The following NAALADL2 variants were observed in gnomAD, a reference collection of about 807,000 sequenced individuals.
NAALADL2 encodes inactive N-acetylated-alpha-linked acidic dipeptidase-like protein 2.
In NAALADL2, 76 loss-of-function variants were observed where a neutral mutation model predicts 87.2. The ratio of observed to expected loss-of-function variants is 0.87; its 90% confidence interval spans 0.72 to 1.05. The LOEUF (loss-of-function observed/expected upper bound fraction) is 1.05, where lower values mean the gene tolerates loss of function less well. Among genes scored for constraint, NAALADL2 ranks in the 50% least tolerant of loss-of-function variants. NAALADL2 has a pLI of 0.00. For synonymous variants in NAALADL2, 354 were observed against 331.0 expected (o/e 1.07, Z -0.75); for missense variants, 1,089 against 945.8 (o/e 1.15, Z -1.99).
intron 11 of NAALADL2, among the ~76,000 whole-genome samples, chr3:175,706,183 G>A: frequency 6.6e-6 from 1 of 152,018 alleles, no homozygotes; most frequent in Non-Finnish European, 1.5e-5. Context: ...GGCTTTATTT[G>A]CCCATTCGAA....
At chr3:175,663,005 G>T (rs1452947037) in intron 11 of NAALADL2, among the ~76,000 whole-genome samples, 1 of 151,726 alleles carries the variant, frequency 6.6e-6, no homozygotes, top group Non-Finnish European at 1.5e-5. Context: ...TGGTATCAGG[G>T]TTAATGCTGA....
chr3:175,390,387 C>G (rs1768933233), intron 5 of NAALADL2, among the ~76,000 whole-genome samples: 1 of 152,068 alleles, frequency 6.6e-6, no homozygotes, highest in African/African-American at 2.4e-5. Flanking sequence ...AACCAGCAAG[C>G]CAAACGTTTA....
chr3:175,358,095 A>C (rs950526599), intron 5 of NAALADL2, among the ~76,000 whole-genome samples: 2 of 152,146 alleles, frequency 1.3e-5, no homozygotes, highest in African/African-American at 2.4e-5. Context: ...AAGTGACATA[A>C]ATTTTTAAAT....
chr3:175,069,430 A>G (rs1393848786), intron 1 of NAALADL2, among the ~76,000 whole-genome samples: 1 of 149,856 alleles, frequency 6.7e-6, no homozygotes, highest in Non-Finnish European at 1.5e-5. Context: ...ATCACTGGCC[A>G]TCAGAGAAAT....
intron 2 of NAALADL2, among the ~76,000 whole-genome samples, chr3:175,100,008 T>G (rs1300301662): frequency 1.3e-5 from 2 of 150,776 alleles, no homozygotes; most frequent in Admixed American, 6.6e-5. Context: ...TACAAAATAT[T>G]ATGAACATAG....
chr3:174,694,024 T>A (rs1728811879), intron 2 of NAALADL2, among the ~76,000 whole-genome samples: 1 of 152,176 alleles, frequency 6.6e-6, no homozygotes, highest in Non-Finnish European at 1.5e-5. Context: ...TCTACTAGTG[T>A]CTTTCTTTCC....
intron 11 of NAALADL2, among the ~76,000 whole-genome samples, chr3:175,677,478 GGTGTGTGTGTGT>G (rs144329998): frequency 6.6e-4 from 92 of 140,190 alleles, no homozygotes; most frequent in Middle Eastern, 7.2e-3. Context: ...AGTATAATGG[GGTGTGTGTGTGT>G]GTGTGTGTGT....
At chr3:174,704,199 C>T (rs1235886162) in intron 2 of NAALADL2, among the ~76,000 whole-genome samples, 2 of 152,004 alleles carry the variant, frequency 1.3e-5, no homozygotes, top group African/African-American at 4.8e-5. Context: ...TAAAGTGTTC[C>T]AGTGCTATCA....
chr3:174,648,576 A>G (rs1724043656), intron 2 of NAALADL2, among the ~76,000 whole-genome samples: 3 of 152,168 alleles, frequency 2.0e-5, no homozygotes, highest in Non-Finnish European at 4.4e-5. Context: ...TACTTTATTT[A>G]TGGTTTCCAG....
At chr3:174,457,311 T>G (rs980096195) in intron 1 of NAALADL2, among the ~76,000 whole-genome samples, 17 of 152,176 alleles carry the variant, frequency 1.1e-4, no homozygotes, top group Admixed American at 5.9e-4. Flanking sequence ...CTCAAAGGCT[T>G]AAAAACAGAA....
At chr3:174,486,615 C>T (rs1421895503) in intron 1 of NAALADL2, among the ~76,000 whole-genome samples, 1 of 151,976 alleles carries the variant, frequency 6.6e-6, no homozygotes, top group East Asian at 1.9e-4. Context: ...GATGTCACTT[C>T]TCTGATGGAT....
chr3:174,602,179 A>T (rs1359158805), intron 2 of NAALADL2, among the ~76,000 whole-genome samples: 1 of 152,120 alleles, frequency 6.6e-6, no homozygotes, highest in African/African-American at 2.4e-5. Flanking sequence ...GTATTTTGAA[A>T]GGGGTTGCAT....
chr3:175,385,522 A>G (rs1768274349), intron 5 of NAALADL2, among the ~76,000 whole-genome samples: 1 of 152,146 alleles, frequency 6.6e-6, no homozygotes, highest in Non-Finnish European at 1.5e-5. Flanking sequence ...TAATGGGTAC[A>G]ATTATACACT....
intron 2 of NAALADL2, among the ~76,000 whole-genome samples, chr3:174,683,051 C>T (rs1025287467): frequency 7.9e-5 from 12 of 152,108 alleles, no homozygotes; most frequent in African/African-American, 2.7e-4. Context: ...TTATCAAATA[C>T]ACTTAACAAA....
intron 2 of NAALADL2, among the ~76,000 whole-genome samples, chr3:175,127,172 G>T (rs1354427715): frequency 6.6e-6 from 1 of 151,992 alleles, no homozygotes; most frequent in Non-Finnish European, 1.5e-5. Flanking sequence ...CAGACATCAT[G>T]ACATGTCATT....
chr3:174,777,895 A>G (rs747184848), intron 3 of NAALADL2, among the ~76,000 whole-genome samples: 4 of 152,078 alleles, frequency 2.6e-5, no homozygotes, highest in East Asian at 1.9e-4. Flanking sequence ...GCTGGCAACT[A>G]TAAGGAAAAT....
intron 9 of NAALADL2, among the ~76,000 whole-genome samples, chr3:175,542,244 A>G (rs1712480768): frequency 6.6e-6 from 1 of 152,238 alleles, no homozygotes; most frequent in Admixed American, 6.5e-5. Context: ...ATGAACTAAG[A>G]AGTTTCTAGA....
At chr3:175,297,169 G>A (rs1756492727) in intron 4 of NAALADL2, among the ~76,000 whole-genome samples, 1 of 152,130 alleles carries the variant, frequency 6.6e-6, no homozygotes, top group Non-Finnish European at 1.5e-5. Context: ...AGCCTGCAAG[G>A]CCTAAAATAT....
intron 1 of NAALADL2, among the ~76,000 whole-genome samples, chr3:174,478,736 G>A (rs1483859425): frequency 6.6e-6 from 1 of 152,054 alleles, no homozygotes; most frequent in Non-Finnish European, 1.5e-5. Context: ...TTTTGAGACA[G>A]AACCTTGTTC....
Sources: gnomAD v4.1 joint callset for allele counts (sites outside exome capture counted in the v4.1 genomes callset) on GRCh38, gnomAD v4.1.1 for gene constraint, MANE v1.5 for transcripts, NCBI Gene and HGNC (gene_info 2026-07-23, HGNC 2026-07-21) for gene names.